Variants in PDS5B observed in about 807,000 individuals in gnomAD.
PDS5B encodes PDS5 cohesin associated factor B.
In PDS5B, 51 loss-of-function variants were observed where a neutral mutation model predicts 184.1. The observed-to-expected ratio is 0.28, with a 90% CI of 0.22 to 0.35. The LOEUF (loss-of-function observed/expected upper bound fraction) is 0.35, where lower values mean the gene tolerates loss of function less well. PDS5B is among the 10% of genes least tolerant of loss of function. PDS5B has a pLI of 1.00. For synonymous variants in PDS5B, 566 were observed against 569.2 expected (o/e 0.99, Z 0.08); for missense variants, 1,180 against 1,723.3 (o/e 0.68, Z 5.58).
intron 20 of PDS5B, among the ~76,000 whole-genome samples, chr13:32,734,888 A>G (rs1161098458): frequency 6.6e-6 from 1 of 151,984 alleles, no homozygotes; most frequent in Non-Finnish European, 1.5e-5. Context: ...ATATGCTATG[A>G]AGTCTGTGTC....
chr13:32,635,661 C>T (rs538054303), intron 1 of PDS5B, among the ~76,000 whole-genome samples: 24 of 150,760 alleles, frequency 1.6e-4, no homozygotes, highest in Non-Finnish European at 3.1e-4. Flanking sequence ...TGATTAGTGC[C>T]ATTGTAGTCG....
chr13:32,649,070 A>G (rs1031141855), intron 2 of PDS5B, 190 bp downstream of exon 2: 2 of 492,580 alleles, frequency 4.1e-6, no homozygotes, highest in Non-Finnish European at 7.2e-6. Context: ...GATTAAAGGG[A>G]CAGCAATTAG....
At chr13:32,626,593 A>G (rs754031928) in intron 1 of PDS5B, among the ~76,000 whole-genome samples, 3 of 150,924 alleles carry the variant, frequency 2.0e-5, no homozygotes, top group Non-Finnish European at 4.4e-5. Flanking sequence ...CATTTTTGAC[A>G]TGTTTTCAGT....
intron 14 of PDS5B, among the ~76,000 whole-genome samples, chr13:32,695,077 C>G (rs1374055653): frequency 6.6e-6 from 1 of 151,758 alleles, no homozygotes; most frequent in Non-Finnish European, 1.5e-5. Flanking sequence ...TTCACCTTTT[C>G]CCTAGGCATA....
Position 32,591,538 on chromosome 13 carries a change from A to G in PDS5B, c.-20+4945A>G, listed in dbSNP as rs191706271. 2.0e-4 allele frequency among the ~76,000 whole-genome samples: 30 copies of G among 152,296 alleles called. 1 individual carries two copies. In the East Asian group the frequency reaches 5.0e-3, roughly 25 times the overall value. ...AATAAGAATATTTTATTATAACATA[A>G]TTTATTTTTTCTGACTCCTGTTGAG... On this transcript the variant is annotated intron_variant, in intron 1 of 34. Transcript: ENST00000315596.
In PDS5B at chr13:32,776,342, C is replaced by T. The variant is rs1401597280; in HGVS notation, c.*1290C>T. On this transcript the variant is annotated 3_prime_UTR_variant, in exon 35 of 35. Transcript: ENST00000315596. ...AGTATATCAGCTACTGTAGTTGTCA[C>T]AGTCTTGTGAACTTTGAATGAAATT... 6.6e-6 allele frequency: 1 copy of T among 152,390 alleles called. No homozygotes were observed. The highest frequency in any genetic ancestry group is 2.4e-5 in the African/African-American group (1 of 41,386). 9.4% of individuals were successfully genotyped at this position (152,390 alleles called of 1,614,324 possible).
intron 1 of PDS5B, among the ~76,000 whole-genome samples, chr13:32,595,148 A>G (rs1238733974): frequency 6.6e-6 from 1 of 151,984 alleles, no homozygotes; most frequent in Non-Finnish European, 1.5e-5. Context: ...TTGTACCTTG[A>G]TTAATAACAG....
intron 1 of PDS5B, among the ~76,000 whole-genome samples, chr13:32,642,555 A>T (rs1030920293): frequency 2.0e-5 from 3 of 152,190 alleles, no homozygotes; most frequent in South Asian, 2.1e-4. Context: ...TTTTACTCAT[A>T]GGAAAAACAA....
At chr13:32,739,910 T>C (rs1458525495) in intron 21 of PDS5B, among the ~76,000 whole-genome samples, 2 of 152,174 alleles carry the variant, frequency 1.3e-5, no homozygotes, top group African/African-American at 4.8e-5. Context: ...TTTTGTGGCT[T>C]TATTATTTAT....
Position 32,741,061 on chromosome 13 carries a change from T to TTTTCTCG in PDS5B, c.2407-15_2407-9dup. ...ATTTTAAAGTCCCTGGTTTTTTTTTTTTTCTCGTTTATTTTTAGCTTCCAG... is the reference window on the plus strand; with the variant it reads ...ATTTTAAAGTCCCTGGTTTTTTTTTTTTTCTCGTTTCTCGTTTATTTTTAGCTTCCAG... On this transcript the variant is annotated intron_variant, in intron 21 of 34. Transcript: ENST00000315596. The TTTTCTCG allele has an allele frequency of 7.3e-7, 1 of 1,365,560 alleles. No homozygotes were observed. The highest frequency in any genetic ancestry group is 1.0e-6 in the Non-Finnish European group (1 of 974,384). 84.6% of individuals were successfully genotyped at this position (1,365,560 alleles called of 1,614,324 possible).
intron 24 of PDS5B, among the ~76,000 whole-genome samples, chr13:32,750,552 C>T (rs1953938912): frequency 6.6e-6 from 1 of 151,970 alleles, no homozygotes; most frequent in East Asian, 1.9e-4. Context: ...TTCCCCCCTC[C>T]TCCCCCCAAA....
rs1424939146 is a variant in PDS5B at position 32,775,982 on chromosome 13, C to G, written c.*930C>G. On this transcript the variant is annotated 3_prime_UTR_variant, in exon 35 of 35. Coordinates refer to ENST00000315596, the MANE Select transcript of PDS5B (RefSeq NM_015032.4). Reference sequence around the variant, plus strand: ...TTATGTTCAGAAAATGCAAATTACACTATAATATAAAACCTGATATATACA... The same window carrying G: ...TTATGTTCAGAAAATGCAAATTACAGTATAATATAAAACCTGATATATACA... 1 of 192,508 alleles carries G rather than the reference C, an allele frequency of 5.2e-6. No individual in the cohort carries two copies. The highest frequency in any genetic ancestry group is 1.1e-5 in the Non-Finnish European group (1 of 92,276). The allele number at this position is 192,508 out of a possible 1,614,324, so 11.9% of individuals were successfully genotyped here.
chr13:32,764,532 A>G lies in PDS5B; in HGVS notation c.3562A>G (p.Thr1188Ala). The G allele has an allele frequency of 6.2e-7, 1 of 1,606,990 alleles. No individual in the cohort carries two copies. Among genetic ancestry groups the G allele is most frequent in the Non-Finnish European group, 8.5e-7 (1 of 1,176,088 alleles). Residue 1188 changes from threonine (T) to alanine (A), a missense_variant, in exon 31 of 35, where the codon ACA (threonine) becomes GCA (alanine). Transcript: ENST00000315596. Reference protein sequence around the residue: ...EMDHSENEDYTMSSPLPGKKS... With the variant: ...EMDHSENEDYAMSSPLPGKKS... Reference sequence around the variant, plus strand: ...GGATCACAGTGAAAATGAAGATTACACAATGTCTTCACCTTTGCCGGGGAA... The same window carrying G: ...GGATCACAGTGAAAATGAAGATTACGCAATGTCTTCACCTTTGCCGGGGAA...
intron 1 of PDS5B, among the ~76,000 whole-genome samples, chr13:32,610,696 T>C (rs1371289812): frequency 6.6e-6 from 1 of 152,092 alleles, no homozygotes; most frequent in Non-Finnish European, 1.5e-5. Context: ...ACTCTGGAAC[T>C]TCACTGTGTT....
At chr13:32,666,720 C>T (rs1374997051) in intron 6 of PDS5B, among the ~76,000 whole-genome samples, 2 of 152,060 alleles carry the variant, frequency 1.3e-5, no homozygotes, top group African/African-American at 4.8e-5. Context: ...GTTTGACTTA[C>T]TTTATAATGG....
chr13:32,756,159 CATAATT>C (rs1954170648), intron 26 of PDS5B, among the ~76,000 whole-genome samples: 1 of 151,966 alleles, frequency 6.6e-6, no homozygotes, highest in African/African-American at 2.4e-5. Flanking sequence ...AAAACTTAAT[CATAATT>C]ATTATAGTTA....
At chr13:32,592,113 C>T (rs1450374191) in intron 1 of PDS5B, among the ~76,000 whole-genome samples, 1 of 152,178 alleles carries the variant, frequency 6.6e-6, no homozygotes, top group Non-Finnish European at 1.5e-5. Context: ...CTTATCCTGT[C>T]TCATCACTTC....
chr13:32,592,265 T>C (rs1044896625), intron 1 of PDS5B, among the ~76,000 whole-genome samples: 1 of 152,330 alleles, frequency 6.6e-6, no homozygotes, highest in Non-Finnish European at 1.5e-5. Context: ...TGGTTTTCTT[T>C]TTTTTTGAGA....
At chr13:32,690,832 A>G (rs1224414227) in intron 13 of PDS5B, 2 of 152,118 alleles carry the variant, frequency 1.3e-5, no homozygotes, top group Non-Finnish European at 2.9e-5. Flanking sequence ...TGGTTGGTGA[A>G]TGAATGGATA....
Sources: gnomAD v4.1 joint callset for allele counts (sites outside exome capture counted in the v4.1 genomes callset) on GRCh38, gnomAD v4.1.1 for gene constraint, MANE v1.5 for transcripts, NCBI Gene and HGNC (gene_info 2026-07-23, HGNC 2026-07-21) for gene names.